The following MPZL1 variants were observed in gnomAD, a reference collection of about 807,000 sequenced individuals.
MPZL1 encodes myelin protein zero-like protein 1.
A neutral mutation model predicts 29.3 loss-of-function variants in MPZL1; 16 were observed. That is an observed-to-expected ratio of 0.55 (90% CI 0.37 to 0.83). MPZL1 has a LOEUF of 0.83. MPZL1 is among the 40% of genes least tolerant of loss of function. The pLI is 0.00. For missense variants in MPZL1, 279 were observed against 332.9 expected (o/e 0.84, Z 1.26); for synonymous variants, 143 against 132.0 (o/e 1.08, Z -0.57).
chr1:167,791,233 G>C lies in MPZL1; in HGVS notation c.*3312G>C, dbSNP rs368920044. ...ACCTTGCTGTTTTGTTCACTGCTCC[G>C]TCTGCAGTAAAGGGAACAGCACCTG... On this transcript the variant is annotated 3_prime_UTR_variant, in exon 6 of 6. Transcript: ENST00000359523. 2.0e-5 allele frequency: 3 copies of C among 152,300 alleles called. No individual in the cohort carries two copies. The highest frequency in any genetic ancestry group is 7.2e-5 in the African/African-American group (3 of 41,546). The allele number at this position is 152,300 out of a possible 1,614,324, so 9.4% of individuals were successfully genotyped here. A position where few individuals can be genotyped will look rare whatever the true frequency, so the allele number is the denominator to read the frequency against.
At chr1:167,760,721 A>G (rs1042722266) in intron 1 of MPZL1, among the ~76,000 whole-genome samples, 14 of 150,566 alleles carry the variant, frequency 9.3e-5, no homozygotes, top group Non-Finnish European at 1.9e-4. Flanking sequence ...GATGATGCCA[A>G]TTACATCCAA....
In MPZL1 at chr1:167,789,795, C is replaced by G. The variant is rs1661670516; in HGVS notation, c.*1874C>G. On this transcript the variant is annotated 3_prime_UTR_variant, in exon 6 of 6. Transcript: ENST00000359523. ...CTGCCTTCCATGTTCATAGGCCCAG[C>G]CCAAGAGAGTGACACACAGTGCTGG... 6.6e-6 allele frequency: 1 copy of G among 152,276 alleles called. No individual in the cohort carries two copies. Among genetic ancestry groups the G allele is most frequent in the African/African-American group, 2.4e-5 (1 of 41,464 alleles). 9.4% of individuals were successfully genotyped at this position (152,276 alleles called of 1,614,324 possible). A position where few individuals can be genotyped will look rare whatever the true frequency, so the allele number is the denominator to read the frequency against.
intron 1 of MPZL1, 87 bp from the exon 2 acceptor site, chr1:167,765,496 T>G (rs958990127): frequency 1.2e-4 from 140 of 1,148,490 alleles, no homozygotes; most frequent in Middle Eastern, 2.0e-4. Flanking sequence ...CTAGTAACTT[T>G]GCTGTATCTT....
intron 1 of MPZL1, among the ~76,000 whole-genome samples, chr1:167,739,779 A>G (rs975874513): frequency 6.6e-6 from 1 of 152,106 alleles, no homozygotes; most frequent in East Asian, 1.9e-4. Flanking sequence ...TACTCTAAAC[A>G]TCTACTTTGG....
intron 1 of MPZL1, among the ~76,000 whole-genome samples, chr1:167,753,248 T>C (rs533242919): frequency 8.1e-4 from 123 of 152,220 alleles, no homozygotes; most frequent in Non-Finnish European, 1.4e-3. Flanking sequence ...GCGTGGCATG[T>C]TGAAGGAAGT....
intron 5 of MPZL1, among the ~76,000 whole-genome samples, chr1:167,785,824 G>A (rs147691932): frequency 0.016 from 2,396 of 152,160 alleles, 53 homozygotes; most frequent in African/African-American, 0.055. Context: ...ACGGAGTCTC[G>A]CTTTGTCACC....
chr1:167,764,736 C>T (rs1203093306), intron 1 of MPZL1, among the ~76,000 whole-genome samples: 1 of 151,968 alleles, frequency 6.6e-6, no homozygotes, highest in Non-Finnish European at 1.5e-5. Context: ...AGGGAAGCCA[C>T]CAAGAAGTCC....
At chr1:167,732,534 C>T (rs534734067) in intron 1 of MPZL1, among the ~76,000 whole-genome samples, 5 of 152,314 alleles carry the variant, frequency 3.3e-5, no homozygotes, top group Admixed American at 2.0e-4. Flanking sequence ...TTCCCTGTAG[C>T]CTCAAACTTT....
chr1:167,755,453 A>T (rs1660849850), intron 1 of MPZL1, among the ~76,000 whole-genome samples: 1 of 152,208 alleles, frequency 6.6e-6, no homozygotes, highest in Admixed American at 6.5e-5. Flanking sequence ...GAAGTGTAAA[A>T]TATGTGAGAG....
At chr1:167,782,531 T>A (rs1293616911) in intron 5 of MPZL1, among the ~76,000 whole-genome samples, 1 of 152,194 alleles carries the variant, frequency 6.6e-6, no homozygotes, top group Non-Finnish European at 1.5e-5. Context: ...GTGTCTTGGA[T>A]ACTACCAACC....
intron 1 of MPZL1, among the ~76,000 whole-genome samples, chr1:167,761,801 G>T (rs1001072546): frequency 6.6e-6 from 1 of 152,176 alleles, no homozygotes; most frequent in Admixed American, 6.5e-5. Context: ...ATGCATAGTG[G>T]ATAGAGAATT....
intron 1 of MPZL1, among the ~76,000 whole-genome samples, chr1:167,723,200 A>AT (rs1451290706): frequency 6.6e-6 from 1 of 152,188 alleles, no homozygotes; most frequent in Admixed American, 6.5e-5. Context: ...AACCACGTAG[A>AT]TTTTTTTCAT....
At chr1:167,787,705 G>C in intron 5 of MPZL1, 115 bp from the exon 6 acceptor site, 1 of 689,216 alleles carries the variant, frequency 1.5e-6, no homozygotes, top group East Asian at 2.6e-5. Context: ...CATTCAAGAG[G>C]GAAGTCTTTG....
At chr1:167,786,766 G>T (rs1269659292) in intron 5 of MPZL1, among the ~76,000 whole-genome samples, 1 of 152,168 alleles carries the variant, frequency 6.6e-6, no homozygotes, top group Non-Finnish European at 1.5e-5. Flanking sequence ...CGTGCTTTTG[G>T]CTATTGAGCT....
intron 5 of MPZL1, among the ~76,000 whole-genome samples, chr1:167,785,118 A>G (rs557131150): frequency 3.9e-5 from 6 of 152,172 alleles, no homozygotes; most frequent in Non-Finnish European, 7.3e-5. Context: ...AACACGCACT[A>G]TTTATTTGGC....
intron 5 of MPZL1, among the ~76,000 whole-genome samples, chr1:167,781,259 G>C (rs959651558): frequency 6.6e-6 from 1 of 152,116 alleles, no homozygotes; most frequent in African/African-American, 2.4e-5. Flanking sequence ...TGAGCTAATA[G>C]ACATTTATAA....
chr1:167,731,612 ATT>A (rs1339751165), intron 1 of MPZL1, among the ~76,000 whole-genome samples: 1 of 151,582 alleles, frequency 6.6e-6, no homozygotes, highest in Non-Finnish European at 1.5e-5. Flanking sequence ...AATTTTTTGT[ATT>A]TTTTCAGTAG....
chr1:167,764,545 A>G (rs929960732), intron 1 of MPZL1, among the ~76,000 whole-genome samples: 1 of 152,242 alleles, frequency 6.6e-6, no homozygotes, highest in Non-Finnish European at 1.5e-5. Context: ...CTTTATAAGA[A>G]AAGGATCAGT....
At chr1:167,746,778 C>G (rs1213689045) in intron 1 of MPZL1, among the ~76,000 whole-genome samples, 3 of 152,078 alleles carry the variant, frequency 2.0e-5, no homozygotes, top group African/African-American at 7.2e-5. Flanking sequence ...TGGCTTTTTC[C>G]TAAGGGCTAT....
Sources: allele counts gnomAD v4.1 joint callset (sites outside exome capture counted in the v4.1 genomes callset), GRCh38; gene constraint gnomAD v4.1.1; transcripts MANE v1.5; gene names NCBI Gene and HGNC (gene_info 2026-07-23, HGNC 2026-07-21).